EIF4H: variants seen among roughly 807,000 people sequenced by gnomAD.
EIF4H encodes Williams-Beuren syndrome chromosome region 1.
In EIF4H, 8 loss-of-function variants were observed where a neutral mutation model predicts 30.6. That is an observed-to-expected ratio of 0.26 (90% CI 0.15 to 0.47). The LOEUF is 0.47. Among genes scored for constraint, EIF4H ranks in the 20% least tolerant of loss-of-function variants. The pLI is 0.99. For missense variants in EIF4H, 188 were observed against 339.5 expected (o/e 0.55, Z 3.51); for synonymous variants, 106 against 122.7 (o/e 0.86, Z 0.90).
chr7:74,194,981 C>T (rs1402962558), intron 6 of EIF4H, 103 bp downstream of exon 6: 15 of 1,505,746 alleles, frequency 1.0e-5, no homozygotes, highest in South Asian at 4.0e-5. Flanking sequence ...ACAGAGTTGT[C>T]GGCATAGATC....
intron 1 of EIF4H, among the ~76,000 whole-genome samples, chr7:74,175,726 T>G (rs1362484859): frequency 3.2e-5 from 4 of 126,774 alleles, no homozygotes; most frequent in South Asian, 2.2e-4. Context: ...ATAACTAGGG[T>G]TTTTTTTTTT....
Position 74,189,803 on chromosome 7 carries a change from A to G in EIF4H, c.313-19A>G, listed in dbSNP as rs781950099. ...TGTTTTCTTTGCCAATACTTACACT[A>G]TTTTCCCTTTATCATTAGCTGTTGG... On this transcript the variant is annotated intron_variant, in intron 3 of 6. Coordinates refer to ENST00000265753, the MANE Select transcript of EIF4H (RefSeq NM_022170.2). 4.5e-5 allele frequency: 72 copies of G among 1,613,930 alleles called. No homozygotes were observed. In the Middle Eastern group the frequency reaches 6.6e-4, roughly 15 times the overall value.
intron 1 of EIF4H, among the ~76,000 whole-genome samples, chr7:74,184,464 A>G (rs910014862): frequency 6.6e-6 from 1 of 152,208 alleles, no homozygotes; most frequent in African/African-American, 2.4e-5. Flanking sequence ...CATACACACA[A>G]ACATACCTGC....
At chr7:74,184,558 A>G (rs1554708916) in intron 1 of EIF4H, among the ~76,000 whole-genome samples, 1 of 152,054 alleles carries the variant, frequency 6.6e-6, no homozygotes, top group Non-Finnish European at 1.5e-5. Context: ...ACGCATCACT[A>G]GATGTTTAAT....
Position 74,188,815 on chromosome 7 carries a change from G to C in EIF4H, c.248-858G>C, listed in dbSNP as rs1248996982. Among the ~76,000 whole-genome samples, 3 of 152,046 alleles carry C rather than the reference G, an allele frequency of 2.0e-5. No individual in the cohort carries two copies. In the East Asian group the frequency reaches 5.8e-4, roughly 29 times the overall value. On this transcript the variant is annotated intron_variant, in intron 2 of 6. Transcript: ENST00000265753. Reference sequence around the variant, plus strand: ...GGTGTCTGTTGCTTCTGTGAAGTTGGGGGTAGTTTTCTCCATTATTCTCAA... The same window carrying C: ...GGTGTCTGTTGCTTCTGTGAAGTTGCGGGTAGTTTTCTCCATTATTCTCAA...
chr7:74,189,469 C>T (rs1242741739), intron 2 of EIF4H, among the ~76,000 whole-genome samples: 1 of 152,170 alleles, frequency 6.6e-6, no homozygotes, highest in African/African-American at 2.4e-5. Context: ...AGTGCATGTT[C>T]AGTTAGCATT....
intron 5 of EIF4H, among the ~76,000 whole-genome samples, chr7:74,193,819 C>G (rs945300236): frequency 1.3e-5 from 2 of 152,026 alleles, no homozygotes; most frequent in Non-Finnish European, 2.9e-5. Context: ...CACTGTGTTG[C>G]CCAGTCTGGT....
chr7:74,175,324 T>G (rs1800813081), intron 1 of EIF4H, among the ~76,000 whole-genome samples: 1 of 152,250 alleles, frequency 6.6e-6, no homozygotes, highest in South Asian at 2.1e-4. Flanking sequence ...ATATAGGCTA[T>G]GAACATCTTG....
intron 4 of EIF4H, 104 bp downstream of exon 4, chr7:74,190,022 A>C: frequency 2.2e-6 from 3 of 1,355,074 alleles, no homozygotes; most frequent in Non-Finnish European, 3.0e-6. Context: ...CATAGGTGTG[A>C]TAGGTTCTCG....
intron 1 of EIF4H, among the ~76,000 whole-genome samples, chr7:74,178,665 C>G (rs1474355643): frequency 6.6e-6 from 1 of 152,200 alleles, no homozygotes; most frequent in African/African-American, 2.4e-5. Flanking sequence ...GGATCACACT[C>G]TGGCTTCCAG....
At chr7:74,190,428 TC>T in intron 5 of EIF4H, 122 bp downstream of exon 5, 1 of 953,246 alleles carries the variant, frequency 1.0e-6, no homozygotes, top group South Asian at 1.5e-5. Context: ...AATACAACTC[TC>T]CTGCAGGGTG....
At chr7:74,174,469 C>A (rs782215401) in intron 1 of EIF4H, 27 bp downstream of exon 1, 2 of 1,391,254 alleles carry the variant, frequency 1.4e-6, no homozygotes, top group Admixed American at 2.3e-5. Flanking sequence ...CGGGCCCCGT[C>A]GGGGGCTGCG....
chr7:74,174,865 G>C (rs1159469003), intron 1 of EIF4H, among the ~76,000 whole-genome samples: 1 of 152,224 alleles, frequency 6.6e-6, no homozygotes, highest in Non-Finnish European at 1.5e-5. Flanking sequence ...TCTGTTGCCT[G>C]CCCGCCTTGC....
intron 1 of EIF4H, among the ~76,000 whole-genome samples, chr7:74,183,270 G>A (rs782818313): frequency 6.6e-6 from 1 of 152,182 alleles, no homozygotes; most frequent in African/African-American, 2.4e-5. Context: ...CTCAGTAGTG[G>A]CAGGGAGTTT....
At chr7:74,176,035 G>A (rs115030398) in intron 1 of EIF4H, among the ~76,000 whole-genome samples, 1 of 152,078 alleles carries the variant, frequency 6.6e-6, no homozygotes, top group Admixed American at 6.6e-5. Flanking sequence ...AAAACTGATA[G>A]GAGAGTTTCC....
At chr7:74,185,865 A>G (rs1434434994) in intron 1 of EIF4H, among the ~76,000 whole-genome samples, 2 of 152,210 alleles carry the variant, frequency 1.3e-5, no homozygotes, top group Non-Finnish European at 2.9e-5. Context: ...GTTGGCTGCC[A>G]GCACGGTATT....
chr7:74,179,120 C>T (rs1169043881), intron 1 of EIF4H, among the ~76,000 whole-genome samples: 1 of 152,240 alleles, frequency 6.6e-6, no homozygotes, highest in African/African-American at 2.4e-5. Flanking sequence ...ATACCTGCAT[C>T]TGTCTCCACT....
Position 74,191,352 on chromosome 7 carries a change from G to A in EIF4H, c.469+1046G>A, listed in dbSNP as rs1801207446. 7.9e-6 allele frequency: 4 copies of A among 508,388 alleles called. No homozygotes were observed. In the Admixed American group the frequency reaches 8.4e-5, roughly 11 times the overall value. The allele number at this position is 508,388 out of a possible 1,614,324, so 31.5% of individuals were successfully genotyped here. A position where few individuals can be genotyped will look rare whatever the true frequency, so the allele number is the denominator to read the frequency against. On this transcript the variant is annotated intron_variant, in intron 5 of 6. Transcript: ENST00000265753. Reference sequence around the variant, plus strand: ...GAACGGCCTTTCCCCTGCCAGTTTGGTATTCGCAGGTGTTATAGAAGTTGC... The same window carrying A: ...GAACGGCCTTTCCCCTGCCAGTTTGATATTCGCAGGTGTTATAGAAGTTGC...
chr7:74,183,617 G>A (rs991360835), intron 1 of EIF4H, among the ~76,000 whole-genome samples: 1 of 152,208 alleles, frequency 6.6e-6, no homozygotes, highest in African/African-American at 2.4e-5. Flanking sequence ...ACGAAACACA[G>A]CTTATTTATT....
Sources: gnomAD v4.1 joint callset for allele counts (sites outside exome capture counted in the v4.1 genomes callset) on GRCh38, gnomAD v4.1.1 for gene constraint, MANE v1.5 for transcripts, NCBI Gene and HGNC (gene_info 2026-07-23, HGNC 2026-07-21) for gene names.